The following PDE4D variants were observed in gnomAD, a reference collection of about 807,000 sequenced individuals.
PDE4D encodes phosphodiesterase 4D.
In PDE4D, 24 loss-of-function variants were observed where a neutral mutation model predicts 87.4. The observed-to-expected ratio is 0.27, with a 90% CI of 0.20 to 0.39. PDE4D has a LOEUF of 0.39. PDE4D is among the 10% of genes least tolerant of loss of function. PDE4D has a pLI of 1.00. For missense variants in PDE4D, 714 were observed against 1,041.0 expected (o/e 0.69, Z 4.32); for synonymous variants, 384 against 383.2 (o/e 1.00, Z -0.02).
intron 5 of PDE4D, among the ~76,000 whole-genome samples, chr5:59,065,322 G>A (rs548483244): frequency 6.4e-4 from 98 of 152,110 alleles, no homozygotes; most frequent in Non-Finnish European, 1.2e-3. Flanking sequence ...AGTTGCCAGA[G>A]GCTGGGGGAA....
intron 1 of PDE4D, among the ~76,000 whole-genome samples, chr5:59,434,414 C>T (rs1796518209): frequency 6.6e-6 from 1 of 151,994 alleles, no homozygotes; most frequent in African/African-American, 2.4e-5. Flanking sequence ...CTCCTTCCCT[C>T]CCCAACCCTC....
chr5:59,877,279 A>G (rs1748731599), intron 1 of PDE4D, among the ~76,000 whole-genome samples: 1 of 152,148 alleles, frequency 6.6e-6, no homozygotes, highest in African/African-American at 2.4e-5. Context: ...AGTGTGATTA[A>G]CAGATTATTA....
chr5:59,916,132 C>G (rs1253812306), intron 3 of PDE4D, among the ~76,000 whole-genome samples: 1 of 152,024 alleles, frequency 6.6e-6, no homozygotes, highest in Non-Finnish European at 1.5e-5. Context: ...TTTTCCTGAA[C>G]TTTTATATAA....
intron 1 of PDE4D, among the ~76,000 whole-genome samples, chr5:59,419,667 T>C (rs1342161759): frequency 2.0e-5 from 3 of 152,232 alleles, no homozygotes; most frequent in Admixed American, 2.0e-4. Context: ...ACAGTTTTTT[T>C]ACTGACGTGC....
intron 1 of PDE4D, among the ~76,000 whole-genome samples, chr5:59,521,703 G>A (rs1812270007): frequency 6.6e-6 from 1 of 152,072 alleles, no homozygotes; most frequent in East Asian, 1.9e-4. Flanking sequence ...AAAGTTGCCT[G>A]TTCTAACACT....
chr5:60,362,894 TTC>T (rs1760197200), intron 1 of PDE4D, among the ~76,000 whole-genome samples: 1 of 152,094 alleles, frequency 6.6e-6, no homozygotes, highest in Non-Finnish European at 1.5e-5. Context: ...ATTATTTTAT[TTC>T]TGTTTGATGT....
intron 1 of PDE4D, among the ~76,000 whole-genome samples, chr5:60,309,204 C>CA (rs1754778916): frequency 6.6e-6 from 1 of 151,834 alleles, no homozygotes; most frequent in African/African-American, 2.4e-5. Flanking sequence ...CTCTGAAAGA[C>CA]AGTCTGGGGA....
chr5:59,279,817 G>GTA (rs1561871063), intron 1 of PDE4D, among the ~76,000 whole-genome samples: 1 of 151,712 alleles, frequency 6.6e-6, no homozygotes, highest in East Asian at 1.9e-4. Flanking sequence ...GTGTGTTTGT[G>GTA]TGTGTGTGTG....
chr5:59,734,782 G>GA (rs1757856842), intron 1 of PDE4D, among the ~76,000 whole-genome samples: 1 of 152,120 alleles, frequency 6.6e-6, no homozygotes, highest in Admixed American at 6.5e-5. Context: ...AGGGAGAGAT[G>GA]AAAAAAGCTC....
At chr5:59,185,676 C>T (rs1381050544) in intron 3 of PDE4D, among the ~76,000 whole-genome samples, 1 of 152,156 alleles carries the variant, frequency 6.6e-6, no homozygotes, top group Non-Finnish European at 1.5e-5. Flanking sequence ...GATGAAGAAT[C>T]TCATAATAAT....
chr5:59,511,642 T>A (rs1216601131), intron 1 of PDE4D, among the ~76,000 whole-genome samples: 1 of 152,022 alleles, frequency 6.6e-6, no homozygotes, highest in African/African-American at 2.4e-5. Context: ...TAAAATTCCT[T>A]AAAATGAGCT....
intron 2 of PDE4D, among the ~76,000 whole-genome samples, chr5:60,068,671 G>A (rs1294553794): frequency 2.0e-5 from 3 of 151,954 alleles, no homozygotes; most frequent in African/African-American, 7.3e-5. Flanking sequence ...TCAGCTCACT[G>A]CAACCTCTGG....
At chr5:60,273,974 A>G (rs1219924880) in intron 1 of PDE4D, among the ~76,000 whole-genome samples, 1 of 152,184 alleles carries the variant, frequency 6.6e-6, no homozygotes, top group African/African-American at 2.4e-5. Context: ...AGAATGCATG[A>G]AACAAGATGT....
chr5:59,991,246 C>T (rs1275624647), intron 2 of PDE4D, among the ~76,000 whole-genome samples: 2 of 151,976 alleles, frequency 1.3e-5, no homozygotes, highest in East Asian at 3.9e-4. Flanking sequence ...AATCAGAGTA[C>T]TTCATAACTG....
chr5:60,479,590 T>C (rs1250366087), intron 1 of PDE4D, among the ~76,000 whole-genome samples: 2 of 152,070 alleles, frequency 1.3e-5, no homozygotes, highest in East Asian at 3.8e-4. Context: ...TAGAACAGAG[T>C]TTGGTAAACT....
At chr5:60,185,176 A>C (rs2149509666) in intron 2 of PDE4D, among the ~76,000 whole-genome samples, 1 of 152,278 alleles carries the variant, frequency 6.6e-6, no homozygotes, top group Middle Eastern at 3.4e-3. Flanking sequence ...TGAAGTAACT[A>C]ATAACATAAG....
chr5:59,466,698 T>G (rs1801629703), intron 1 of PDE4D, among the ~76,000 whole-genome samples: 1 of 152,198 alleles, frequency 6.6e-6, no homozygotes, highest in Non-Finnish European at 1.5e-5. Context: ...ATGTAGCATT[T>G]AATATTATAT....
chr5:60,076,456 C>T (rs1362934234), intron 2 of PDE4D, among the ~76,000 whole-genome samples: 1 of 152,166 alleles, frequency 6.6e-6, no homozygotes, highest in African/African-American at 2.4e-5. Flanking sequence ...CCACGCCTGG[C>T]CTGTTCCTCC....
intron 1 of PDE4D, among the ~76,000 whole-genome samples, chr5:60,194,786 T>C (rs1734255049): frequency 6.6e-6 from 1 of 151,594 alleles, no homozygotes; most frequent in Admixed American, 6.6e-5. Flanking sequence ...TCCAGAGTTT[T>C]ATCTACACAA....
Sources: allele counts gnomAD v4.1 joint callset (sites outside exome capture counted in the v4.1 genomes callset), GRCh38; gene constraint gnomAD v4.1.1; transcripts MANE v1.5; gene names NCBI Gene and HGNC (gene_info 2026-07-23, HGNC 2026-07-21).